SUCO: variants seen among roughly 807,000 people sequenced by gnomAD.
SUCO encodes SUN domain containing ossification factor.
SUCO carries 57 observed loss-of-function variants against 148.1 expected under a neutral mutation model. That is an observed-to-expected ratio of 0.38 (90% CI 0.31 to 0.48). The LOEUF is 0.48. SUCO is among the 20% of genes least tolerant of loss of function. SUCO has a pLI of 0.96. For synonymous variants in SUCO, 470 were observed against 502.7 expected, an observed-to-expected ratio of 0.93 and a Z score of 0.87; for missense variants, 1,331 against 1,468.2, an observed-to-expected ratio of 0.91 and a Z score of 1.53.
At chr1:172,546,823 C>G (rs948092859) in intron 1 of SUCO, among the ~76,000 whole-genome samples, 3 of 152,202 alleles carry the variant, frequency 2.0e-5, no homozygotes, top group Admixed American at 2.0e-4. Context: ...GTGGAAGGAT[C>G]ACTTGAGCCC....
intron 2 of SUCO, chr1:172,552,546 TGAG>T: frequency 1.4e-6 from 1 of 711,274 alleles, no homozygotes; most frequent in Non-Finnish European, 1.7e-6. Context: ...ATTACATACT[TGAG>T]GGTTTTTTGG....
chr1:172,572,710 A>G (rs1283760821), intron 9 of SUCO, among the ~76,000 whole-genome samples: 2 of 149,626 alleles, frequency 1.3e-5, no homozygotes, highest in Non-Finnish European at 3.0e-5. Flanking sequence ...AAAAAAAAAA[A>G]AAAAAAAAAA....
At chr1:172,540,609 A>G (rs1352726014) in intron 1 of SUCO, among the ~76,000 whole-genome samples, 2 of 152,218 alleles carry the variant, frequency 1.3e-5, no homozygotes, top group South Asian at 2.1e-4. Context: ...AATGAGGGCT[A>G]GAGTTCTCAA....
At chr1:172,550,776 A>T in intron 1 of SUCO, 1 of 288,862 alleles carries the variant, frequency 3.5e-6, no homozygotes, top group Non-Finnish European at 5.2e-6. Context: ...ATTGATTCTT[A>T]AAACATTGAT....
At chr1:172,609,616 G>C in intron 23 of SUCO, 200 bp from the exon 24 acceptor site, 2 of 985,034 alleles carry the variant, frequency 2.0e-6, no homozygotes, top group Non-Finnish European at 2.4e-6. Flanking sequence ...AAAGAGTTTT[G>C]ATTCAGTAGT....
Position 172,602,217 on chromosome 1 carries a change from A to C in SUCO, c.3172A>C (p.Arg1058=). ...PKSNQYPSPK[R]CFSSYDDMNL... ...AAGTAATCAGTATCCAAGCCCTAAA[A>C]GGTAATATCAGCATTATATTTCACA... The change falls in exon 21 of 24, where the codon AGG becomes CGG. Residue 1058 remains arginine (R), a splice_region_variant and synonymous_variant. Transcript: ENST00000263688. 1 of 1,596,476 alleles carries C rather than the reference A, an allele frequency of 6.3e-7. No homozygotes were observed. Among genetic ancestry groups the C allele is most frequent in the Non-Finnish European group, 8.5e-7 (1 of 1,171,340 alleles).
chr1:172,588,928 T>G lies in SUCO; in HGVS notation c.1827T>G (p.Phe609Leu). 6.2e-7 allele frequency: 1 copy of G among 1,612,412 alleles called. No homozygotes were observed. The highest frequency in any genetic ancestry group is 1.3e-5 in the African/African-American group (1 of 74,988). The change falls in exon 18 of 24, where the codon TTT becomes TTG. Residue 609 changes from phenylalanine (F) to leucine (L), a missense_variant. This residue lies in a region of SUCO where 992 missense variants were observed against 1,093.5 expected (regional missense o/e 0.91). Coordinates refer to ENST00000263688, the MANE Select transcript of SUCO (RefSeq NM_014283.5). ...GEQEDESSPW[F>L]ESETQIFCSE... The stretch of plus-strand genomic sequence containing the variant: ...AGGAAGATGAATCATCACCCTGGTT[T>G]GAGTCAGAGACACAAATATTTTGCA...
chr1:172,593,319 G>A (rs570294386), intron 19 of SUCO, among the ~76,000 whole-genome samples: 8 of 152,340 alleles, frequency 5.3e-5, no homozygotes, highest in African/African-American at 1.9e-4. Flanking sequence ...ATGTTGAATA[G>A]GAGTGGTGAG....
At chr1:172,570,804 T>A (rs766605339) in intron 9 of SUCO, 74 bp downstream of exon 9, 1 of 875,574 alleles carries the variant, frequency 1.1e-6, no homozygotes, top group Non-Finnish European at 1.9e-6. Context: ...ACATTAGGGT[T>A]ACATTGACAT....
At chr1:172,581,051 G>C (rs1445174562) in intron 15 of SUCO, among the ~76,000 whole-genome samples, 1 of 152,166 alleles carries the variant, frequency 6.6e-6, no homozygotes, top group Non-Finnish European at 1.5e-5. Flanking sequence ...TGTGAGTTGA[G>C]ATCGCACCAC....
chr1:172,550,368 A>G (rs1329115115), intron 1 of SUCO, among the ~76,000 whole-genome samples: 2 of 152,016 alleles, frequency 1.3e-5, no homozygotes, highest in Non-Finnish European at 2.9e-5. Flanking sequence ...CCAAGTTTCT[A>G]TCTGGACACG....
chr1:172,546,934 G>C (rs1652906320), intron 1 of SUCO, among the ~76,000 whole-genome samples: 1 of 152,102 alleles, frequency 6.6e-6, no homozygotes, highest in Admixed American at 6.6e-5. Context: ...ACAGCGAAAT[G>C]CACAGATCTT....
chr1:172,576,112 A>G (rs1443219431), intron 11 of SUCO, among the ~76,000 whole-genome samples: 1 of 151,850 alleles, frequency 6.6e-6, no homozygotes, highest in Non-Finnish European at 1.5e-5. Context: ...TGCAAATAAA[A>G]TAGAGTTTTA....
chr1:172,579,313 C>T (rs1453299811), intron 15 of SUCO, 46 bp downstream of exon 15: 2 of 1,181,976 alleles, frequency 1.7e-6, no homozygotes, highest in Admixed American at 3.7e-5. Flanking sequence ...CTTTTTCATT[C>T]TGACACACAC....
At chr1:172,557,574 A>G (rs1408384983) in intron 5 of SUCO, 70 bp from the exon 6 acceptor site, 1 of 1,480,930 alleles carries the variant, frequency 6.8e-7, no homozygotes, top group African/African-American at 1.4e-5. Context: ...GAGTTCAAAG[A>G]ATTTAGATTG....
intron 22 of SUCO, among the ~76,000 whole-genome samples, chr1:172,606,150 A>C (rs1184850739): frequency 6.6e-6 from 1 of 151,764 alleles, no homozygotes; most frequent in South Asian, 2.1e-4. Flanking sequence ...TTATTTCTAC[A>C]TAATTTTGTT....
intron 1 of SUCO, chr1:172,542,850 AGTCATTTAAGTG>A (rs1286209202): frequency 1.0e-6 from 1 of 985,294 alleles, no homozygotes; most frequent in African/African-American, 1.7e-5. Context: ...GATTTAAGGA[AGTCATTTAAGTG>A]GTCAACAATA....
chr1:172,561,900 A>G (rs971058070), intron 6 of SUCO, among the ~76,000 whole-genome samples: 1 of 152,192 alleles, frequency 6.6e-6, no homozygotes, highest in African/African-American at 2.4e-5. Context: ...CCTTCTGACA[A>G]CAAGGAGGAA....
intron 22 of SUCO, 106 bp downstream of exon 22, chr1:172,602,893 A>T: frequency 1.1e-6 from 1 of 925,348 alleles, no homozygotes; most frequent in South Asian, 1.5e-5. Context: ...CAAAAAATGG[A>T]TACAAGTAGC....
Sources: gnomAD v4.1 joint callset for allele counts (sites outside exome capture counted in the v4.1 genomes callset) on GRCh38, gnomAD v4.1.1 for gene constraint, gnomAD v4.1.1 regional missense constraint, MANE v1.5 for transcripts, NCBI Gene and HGNC (gene_info 2026-07-23, HGNC 2026-07-21) for gene names.